Variants in NRXN1 observed in about 807,000 individuals in gnomAD.
NRXN1 encodes the protein neurexin 1, also known as neurexin-1.
NRXN1 carries 39 observed loss-of-function variants against 150.9 expected under a neutral mutation model. The ratio of observed to expected loss-of-function variants is 0.26; its 90% CI spans 0.20 to 0.34. The LOEUF (loss-of-function observed/expected upper bound fraction) is 0.34, where lower values mean the gene tolerates loss of function less well. NRXN1 is among the 10% of genes least tolerant of loss of function. The pLI is 1.00. For missense variants in NRXN1, 1,815 were observed against 1,949.9 expected (o/e 0.93, Z 1.30); for synonymous variants, 924 against 757.0 (o/e 1.22, Z -3.62).
chr2:50,694,355 C>A (rs1692510513), intron 5 of NRXN1, among the ~76,000 whole-genome samples: 2 of 151,950 alleles, frequency 1.3e-5, no homozygotes, highest in South Asian at 4.2e-4. Context: ...CATCGGTTTC[C>A]CTCTTAATGT....
intron 5 of NRXN1, among the ~76,000 whole-genome samples, chr2:50,649,674 G>C (rs894783525): frequency 2.6e-5 from 4 of 151,904 alleles, no homozygotes; most frequent in Non-Finnish European, 5.9e-5. Context: ...TGTATCACTT[G>C]ATTGTTGAGA....
At chr2:50,290,479 C>G (rs545252364) in intron 17 of NRXN1, among the ~76,000 whole-genome samples, 2 of 152,264 alleles carry the variant, frequency 1.3e-5, no homozygotes, top group East Asian at 3.9e-4. Flanking sequence ...CAGGCCTGCA[C>G]TTTATTGTAA....
chr2:50,210,058 T>C, intron 18 of NRXN1, among the ~76,000 whole-genome samples: 1 of 152,096 alleles, frequency 6.6e-6, no homozygotes. Flanking sequence ...GTAAATATTA[T>C]CATTTACAGG....
chr2:49,922,738 A>G (rs1668442372), intron 22 of NRXN1, among the ~76,000 whole-genome samples: 1 of 152,216 alleles, frequency 6.6e-6, no homozygotes, highest in African/African-American at 2.4e-5. Context: ...TTTAAAGAAT[A>G]CAGTATTGAA....
intron 22 of NRXN1, among the ~76,000 whole-genome samples, chr2:49,931,115 G>C (rs1006501689): frequency 2.6e-5 from 4 of 152,160 alleles, no homozygotes; most frequent in African/African-American, 9.7e-5. Context: ...CTGGGAGACA[G>C]AGCAAGAAAG....
intron 5 of NRXN1, chr2:50,631,148 T>A: frequency 2.3e-6 from 1 of 433,844 alleles, no homozygotes; most frequent in South Asian, 1.8e-5. Flanking sequence ...ACGTAATATA[T>A]GTTGTAAAAT....
chr2:50,929,488 C>T (rs1687410105), intron 2 of NRXN1, among the ~76,000 whole-genome samples: 1 of 151,932 alleles, frequency 6.6e-6, no homozygotes, highest in Non-Finnish European at 1.5e-5. Flanking sequence ...TTTTTGGTTT[C>T]CTTCCTTCTC....
chr2:50,752,248 A>G (rs1700677091), intron 5 of NRXN1, among the ~76,000 whole-genome samples: 2 of 152,102 alleles, frequency 1.3e-5, no homozygotes, highest in South Asian at 4.1e-4. Context: ...TATTTGTACA[A>G]TTATTCCTCT....
intron 21 of NRXN1, among the ~76,000 whole-genome samples, chr2:50,004,051 T>C (rs1451452766): frequency 6.6e-6 from 1 of 152,094 alleles, no homozygotes; most frequent in Non-Finnish European, 1.5e-5. Context: ...ATGGTGTAGT[T>C]GGTGAAAGGG....
At chr2:50,593,542 C>T (rs574465460) in intron 8 of NRXN1, among the ~76,000 whole-genome samples, 1 of 152,270 alleles carries the variant, frequency 6.6e-6, no homozygotes, top group Admixed American at 6.5e-5. Flanking sequence ...AAGGAAAACA[C>T]TTTATGAATC....
At chr2:50,770,809 A>G (rs941228513) in intron 5 of NRXN1, among the ~76,000 whole-genome samples, 8 of 152,200 alleles carry the variant, frequency 5.3e-5, no homozygotes, top group African/African-American at 1.7e-4. Flanking sequence ...TAAAGTAATT[A>G]GCTTAAATTT....
At chr2:50,998,742 G>C (rs1475075859) in intron 2 of NRXN1, among the ~76,000 whole-genome samples, 1 of 151,930 alleles carries the variant, frequency 6.6e-6, no homozygotes, top group Non-Finnish European at 1.5e-5. Flanking sequence ...GTCAATTATT[G>C]ATATTTCAAA....
At chr2:50,929,021 G>A (rs1005759222) in intron 2 of NRXN1, among the ~76,000 whole-genome samples, 5 of 151,982 alleles carry the variant, frequency 3.3e-5, no homozygotes, top group Admixed American at 6.6e-5. Flanking sequence ...TCACAAAGAT[G>A]GGAATTAGGC....
At position 50,346,224 on chromosome 2, in the gene NRXN1, C is replaced by T. The variant is rs767551755; in HGVS notation, c.3365-109254G>A. Among the ~76,000 whole-genome samples, 4 of 152,196 alleles carry T rather than the reference C, an allele frequency of 2.6e-5. No homozygotes were observed. Among genetic ancestry groups the T allele is most frequent in the Non-Finnish European group, 5.9e-5 (4 of 68,034 alleles). On this transcript the variant is annotated intron_variant, in intron 17 of 22. Transcript: ENST00000401669. The surrounding 1 kb of genome is among the most constrained non-coding windows in gnomAD (Gnocchi z 5.0). ...TGGAGGAATGTGCGGGCTGGAATCT[C>T]TCCCTCCCCGCCCCCCGGGGCCAGG...
At chr2:50,953,739 T>C (rs1250320695) in intron 2 of NRXN1, among the ~76,000 whole-genome samples, 1 of 151,990 alleles carries the variant, frequency 6.6e-6, no homozygotes, top group Non-Finnish European at 1.5e-5. Context: ...TTTTTGTATT[T>C]TAGTAGAGAC....
intron 5 of NRXN1, among the ~76,000 whole-genome samples, chr2:50,870,313 G>C (rs963496004): frequency 6.6e-6 from 1 of 151,798 alleles, no homozygotes; most frequent in African/African-American, 2.4e-5. Flanking sequence ...CCCACATTGA[G>C]TAAAATTTAG....
chr2:50,762,364 G>A (rs2105391967), intron 5 of NRXN1, among the ~76,000 whole-genome samples: 1 of 151,470 alleles, frequency 6.6e-6, no homozygotes, highest in African/African-American at 2.4e-5. Flanking sequence ...TTAATTCAGG[G>A]GTCACATGTA....
At chr2:50,425,063 C>T (rs1420680726) in intron 17 of NRXN1, among the ~76,000 whole-genome samples, 1 of 152,116 alleles carries the variant, frequency 6.6e-6, no homozygotes, top group Non-Finnish European at 1.5e-5. Context: ...GTAATTTATA[C>T]CACCACTTCA....
chr2:50,438,442 G>A (rs2085642665), intron 17 of NRXN1, among the ~76,000 whole-genome samples: 1 of 152,192 alleles, frequency 6.6e-6, no homozygotes, highest in Non-Finnish European at 1.5e-5. Flanking sequence ...TGGAACTGGG[G>A]GGAGTGGACT....
Sources: allele counts gnomAD v4.1 joint callset (sites outside exome capture counted in the v4.1 genomes callset), GRCh38; gene constraint gnomAD v4.1.1; non-coding constraint Gnocchi (gnomAD v3.1); transcripts MANE v1.5; gene names NCBI Gene and HGNC (gene_info 2026-07-23, HGNC 2026-07-21).